CSTPP1: variants seen among roughly 807,000 people sequenced by gnomAD.
The protein encoded by CSTPP1 is UPF0705 protein C11orf49.
At chr11:47,132,409 G>GCATTAATTTTATAA in the CSTPP1 span, among the ~76,000 whole-genome samples, 1 of 152,236 alleles carries the variant, frequency 6.6e-6, no homozygotes, top group Admixed American at 6.5e-5. Context: ...GTTTTAATCA[G>GCATTAATTTTATAA]TTAATAATTA....
chr11:47,041,578 T>C, the CSTPP1 span: 2 of 405,474 alleles, frequency 4.9e-6, no homozygotes, highest in East Asian at 4.6e-5. Flanking sequence ...CATGGCCTCA[T>C]TGATGCCGGG....
the CSTPP1 span, among the ~76,000 whole-genome samples, chr11:47,123,868 C>T: frequency 2.0e-5 from 3 of 152,024 alleles, no homozygotes; most frequent in East Asian, 5.9e-4. Flanking sequence ...AGTGTGGTGG[C>T]TTGAACCCGG....
At chr11:47,062,312 T>C in the CSTPP1 span, among the ~76,000 whole-genome samples, 10 of 152,178 alleles carry the variant, frequency 6.6e-5, no homozygotes, top group African/African-American at 2.4e-4. Flanking sequence ...TGTTATATAA[T>C]ATGAAGGCTT....
At chr11:46,955,449 C>A in the CSTPP1 span, among the ~76,000 whole-genome samples, 1 of 151,550 alleles carries the variant, frequency 6.6e-6, no homozygotes, top group Non-Finnish European at 1.5e-5. Flanking sequence ...CTGCAACCTC[C>A]GCCTTCCAGG....
At chr11:47,009,164 C>G in the CSTPP1 span, among the ~76,000 whole-genome samples, 1 of 151,982 alleles carries the variant, frequency 6.6e-6, no homozygotes, top group Non-Finnish European at 1.5e-5. Context: ...CGGTTTTATT[C>G]TCTCATAACT....
chr11:47,003,771 A>C, the CSTPP1 span, among the ~76,000 whole-genome samples: 1 of 152,202 alleles, frequency 6.6e-6, no homozygotes, highest in African/African-American at 2.4e-5. Context: ...ACAATGAGAG[A>C]TGTTTGGGAA....
the CSTPP1 span, among the ~76,000 whole-genome samples, chr11:47,028,387 A>G: frequency 6.6e-6 from 1 of 152,190 alleles, no homozygotes; most frequent in Non-Finnish European, 1.5e-5. Context: ...TTGTTCACTT[A>G]CTTTTTCCTG....
At chr11:47,086,846 G>C in the CSTPP1 span, among the ~76,000 whole-genome samples, 2 of 152,180 alleles carry the variant, frequency 1.3e-5, no homozygotes, top group East Asian at 3.8e-4. Flanking sequence ...TACTGACGGA[G>C]AAGGAACGGG....
the CSTPP1 span, among the ~76,000 whole-genome samples, chr11:47,049,658 T>C: frequency 4.0e-5 from 6 of 151,588 alleles, no homozygotes; most frequent in Non-Finnish European, 5.9e-5. Flanking sequence ...ACAATGTAGA[T>C]AAATATTATG....
chr11:47,062,151 T>G, the CSTPP1 span, among the ~76,000 whole-genome samples: 5 of 152,314 alleles, frequency 3.3e-5, no homozygotes, highest in African/African-American at 1.2e-4. Context: ...TTTTATCATA[T>G]CATTTATTAC....
the CSTPP1 span, among the ~76,000 whole-genome samples, chr11:47,049,682 A>G: frequency 6.6e-6 from 1 of 151,404 alleles, no homozygotes; most frequent in Non-Finnish European, 1.5e-5. Context: ...ATGTTTTAAG[A>G]TGGGGTCTCA....
At chr11:46,968,663 G>A in the CSTPP1 span, among the ~76,000 whole-genome samples, 223 of 151,862 alleles carry the variant, frequency 1.5e-3, no homozygotes, top group Non-Finnish European at 2.0e-3. Flanking sequence ...CACTTTGGGC[G>A]GCTGAGGCAG....
chr11:47,160,945 G>C, the CSTPP1 span: 1 of 710,070 alleles, frequency 1.4e-6, no homozygotes. Context: ...AATGTATCAA[G>C]CAACAGCGAG....
At chr11:47,016,457 G>A in the CSTPP1 span, among the ~76,000 whole-genome samples, 2 of 150,338 alleles carry the variant, frequency 1.3e-5, no homozygotes, top group Non-Finnish European at 3.0e-5. Context: ...TATCAAGGCT[G>A]TATATCAATA....
chr11:47,151,102 G>A, the CSTPP1 span, among the ~76,000 whole-genome samples: 1 of 152,006 alleles, frequency 6.6e-6, no homozygotes, highest in Non-Finnish European at 1.5e-5. Flanking sequence ...TCACATTTTA[G>A]GAAAATCTTT....
the CSTPP1 span, among the ~76,000 whole-genome samples, chr11:47,010,838 C>G: frequency 1.3e-5 from 2 of 151,910 alleles, no homozygotes; most frequent in Admixed American, 1.3e-4. Flanking sequence ...TAACACTGTC[C>G]CTGGTAAATT....
chr11:47,091,361 G>A, the CSTPP1 span, among the ~76,000 whole-genome samples: 12 of 151,262 alleles, frequency 7.9e-5, no homozygotes, highest in African/African-American at 2.4e-5. Flanking sequence ...GTGACAGAGC[G>A]AGACTCCATC....
At chr11:47,163,122 T>C in the CSTPP1 span, among the ~76,000 whole-genome samples, 1 of 147,540 alleles carries the variant, frequency 6.8e-6, no homozygotes, top group African/African-American at 2.5e-5. Flanking sequence ...CAGTGAGCCA[T>C]GATCGTGCCA....
chr11:46,966,614 A>AT, the CSTPP1 span, among the ~76,000 whole-genome samples: 1 of 152,074 alleles, frequency 6.6e-6, no homozygotes, highest in Non-Finnish European at 1.5e-5. Context: ...ATGGTGTTTT[A>AT]TAAAAAAAAA....
Sources: allele counts gnomAD v4.1 joint callset (sites outside exome capture counted in the v4.1 genomes callset), GRCh38; gene constraint gnomAD v4.1.1; transcripts MANE v1.5; gene names NCBI Gene and HGNC (gene_info 2026-07-23, HGNC 2026-07-21).